DIAPH3: variants seen among roughly 807,000 people sequenced by gnomAD.
DIAPH3 encodes the protein protein diaphanous homolog 3.
In DIAPH3, 117 loss-of-function variants were observed where a neutral mutation model predicts 144.3. The observed-to-expected ratio is 0.81, with a 90% CI of 0.70 to 0.95. The LOEUF is 0.95. Ranked by LOEUF, DIAPH3 falls within the 40% of genes least tolerant of loss-of-function variation. The probability of loss-of-function intolerance (pLI) is 0.00; values close to 1 mark genes in which losing one functional copy is unlikely to be tolerated. For missense variants in DIAPH3, 1,421 were observed against 1,412.7 expected (o/e 1.01, Z -0.09); for synonymous variants, 519 against 488.9 (o/e 1.06, Z -0.81).
At position 60,135,171 on chromosome 13, in the gene DIAPH3, C is replaced by T. The variant is rs1244035870; in HGVS notation, c.181-2182G>A. Among the ~76,000 whole-genome samples, 6 of 151,068 alleles carry T rather than the reference C, an allele frequency of 4.0e-5. No individual in the cohort carries two copies. The South Asian group carries it at 1.3e-3, about 32-fold the overall frequency. On this transcript the variant is annotated intron_variant, in intron 1 of 27. Transcript: ENST00000400324. The stretch of plus-strand genomic sequence containing the variant: ...ATCTTTTTAAAATTTCAGTTGGGCT[C>T]ACAACGTTCAGGAAAAAGAACAGCC...
intron 27 of DIAPH3, among the ~76,000 whole-genome samples, chr13:59,714,613 TCC>T (rs1297503940): frequency 5.3e-5 from 8 of 152,026 alleles, no homozygotes; most frequent in Non-Finnish European, 1.0e-4. Context: ...CTTTTTTTTG[TCC>T]CCCCTTCCTC....
chr13:60,086,426 C>CTGAG (rs1031250503), intron 4 of DIAPH3, among the ~76,000 whole-genome samples: 2 of 152,084 alleles, frequency 1.3e-5, no homozygotes, highest in African/African-American at 4.8e-5. Context: ...GTTCATTGTG[C>CTGAG]TGAGGCTCTG....
Position 59,714,380 on chromosome 13 carries a change from A to G in DIAPH3, c.3320-47534T>C, listed in dbSNP as rs1262531701. On this transcript the variant is annotated intron_variant, in intron 27 of 27. Transcript: ENST00000400324. ...GTCTCAAAAAAAAAAAAAAAAAAAA[A>G]AAAAATTAGCTAGGCATGGTGGTAC... 7.5e-5 allele frequency among the ~76,000 whole-genome samples: 11 copies of G among 146,742 alleles called. No homozygotes were observed. In the East Asian group the frequency reaches 2.2e-3, roughly 29 times the overall value.
intron 23 of DIAPH3, among the ~76,000 whole-genome samples, chr13:59,834,550 T>C (rs2041945036): frequency 6.6e-6 from 1 of 151,560 alleles, no homozygotes; most frequent in African/African-American, 2.4e-5. Flanking sequence ...GTCCTTTTCT[T>C]TGAGAAAAAT....
chr13:59,708,686 A>G (rs889800727), intron 27 of DIAPH3, among the ~76,000 whole-genome samples: 1 of 151,956 alleles, frequency 6.6e-6, no homozygotes, highest in African/African-American at 2.4e-5. Context: ...TCATATCTAC[A>G]CTTAATTTCA....
Position 59,925,815 on chromosome 13 carries a change from C to T in DIAPH3, c.2075-945G>A, listed in dbSNP as rs762134239. 3.3e-5 allele frequency among the ~76,000 whole-genome samples: 5 copies of T among 152,058 alleles called. 1 individual carries two copies. Among genetic ancestry groups the T allele is most frequent in the Non-Finnish European group, 7.4e-5 (5 of 67,994 alleles). Reference sequence around the variant, plus strand: ...CTAGGTTTTCCAATGTGTTGGCAAACATTTGTTCATAATTAGACTCTAACA... The same window carrying T: ...CTAGGTTTTCCAATGTGTTGGCAAATATTTGTTCATAATTAGACTCTAACA... On this transcript the variant is annotated intron_variant, in intron 17 of 27. Transcript: ENST00000400324.
intron 1 of DIAPH3, among the ~76,000 whole-genome samples, chr13:60,136,694 G>A (rs1195219467): frequency 6.6e-6 from 1 of 152,118 alleles, no homozygotes; most frequent in Non-Finnish European, 1.5e-5. Flanking sequence ...CCAGCACTTT[G>A]GGAGGCAGAG....
At chr13:59,728,066 C>CA (rs35223359) in intron 27 of DIAPH3, among the ~76,000 whole-genome samples, 34 of 148,004 alleles carry the variant, frequency 2.3e-4, no homozygotes, top group African/African-American at 2.2e-4. Context: ...GACAGGGCAT[C>CA]AAAAAAAAAA....
intron 12 of DIAPH3, among the ~76,000 whole-genome samples, chr13:59,987,475 T>TAAAAAAAA (rs201333360): frequency 2.8e-5 from 2 of 70,178 alleles, no homozygotes; most frequent in African/African-American, 4.6e-5. Flanking sequence ...TAAAGTATAA[T>TAAAAAAAA]AAAAAAAAAA....
chr13:59,797,402 TC>T (rs1160987523), intron 25 of DIAPH3, among the ~76,000 whole-genome samples: 1 of 152,216 alleles, frequency 6.6e-6, no homozygotes, highest in Non-Finnish European at 1.5e-5. Context: ...ATACTTTTTT[TC>T]ACCATCACAC....
At chr13:59,900,513 C>G (rs1016962523) in intron 20 of DIAPH3, among the ~76,000 whole-genome samples, 4 of 152,142 alleles carry the variant, frequency 2.6e-5, no homozygotes, top group Non-Finnish European at 4.4e-5. Flanking sequence ...GTACAATTCC[C>G]TAGGTAAGGG....
intron 25 of DIAPH3, among the ~76,000 whole-genome samples, chr13:59,778,859 C>T (rs999973018): frequency 3.9e-5 from 6 of 152,210 alleles, no homozygotes; most frequent in African/African-American, 1.4e-4. Flanking sequence ...TCAGTTCCCC[C>T]GGTCACAAAG....
chr13:60,161,682 G>A (rs1261682592), intron 1 of DIAPH3, among the ~76,000 whole-genome samples: 2 of 152,180 alleles, frequency 1.3e-5, no homozygotes, highest in Non-Finnish European at 2.9e-5. Flanking sequence ...AAGAGAGCAA[G>A]CCATCATGAA....
At chr13:59,825,931 C>T (rs1219370413) in intron 24 of DIAPH3, among the ~76,000 whole-genome samples, 4 of 151,976 alleles carry the variant, frequency 2.6e-5, no homozygotes, top group African/African-American at 9.7e-5. Flanking sequence ...AGACAAAAAC[C>T]ACATGATTAT....
chr13:60,112,856 T>C (rs1016729716), intron 2 of DIAPH3, among the ~76,000 whole-genome samples: 5 of 152,210 alleles, frequency 3.3e-5, no homozygotes, highest in Non-Finnish European at 7.3e-5. Flanking sequence ...CAAAAAAGCA[T>C]AGATATTAGT....
intron 4 of DIAPH3, among the ~76,000 whole-genome samples, chr13:60,050,572 C>A (rs935802787): frequency 2.6e-5 from 4 of 152,094 alleles, no homozygotes; most frequent in Non-Finnish European, 1.5e-5. Context: ...GTGAAGAAAT[C>A]AGAAGCAGCA....
At chr13:59,952,870 T>C (rs1042551384) in intron 17 of DIAPH3, among the ~76,000 whole-genome samples, 2 of 152,334 alleles carry the variant, frequency 1.3e-5, no homozygotes, top group Non-Finnish European at 2.9e-5. Context: ...AAACATTCAA[T>C]GCCCATATGT....
chr13:59,697,670 A>T (rs1317484855), intron 27 of DIAPH3, among the ~76,000 whole-genome samples: 5 of 152,128 alleles, frequency 3.3e-5, no homozygotes, highest in Non-Finnish European at 7.4e-5. Context: ...TGACAGATCT[A>T]AGAATCATTC....
intron 17 of DIAPH3, among the ~76,000 whole-genome samples, chr13:59,958,559 T>G (rs2049545026): frequency 6.6e-6 from 1 of 152,076 alleles, no homozygotes; most frequent in South Asian, 2.1e-4. Context: ...AATGGCTCTT[T>G]AGGTTTATAG....
Sources: gnomAD v4.1 joint callset for allele counts (sites outside exome capture counted in the v4.1 genomes callset) on GRCh38, gnomAD v4.1.1 for gene constraint, MANE v1.5 for transcripts, NCBI Gene and HGNC (gene_info 2026-07-23, HGNC 2026-07-21) for gene names.